Variants in PPP1R21 observed in about 807,000 individuals in gnomAD.
PPP1R21 encodes KLRAQ motif containing 1.
Under a neutral mutation model 112.8 loss-of-function variants are expected in PPP1R21, and 85 were observed. The observed-to-expected ratio is 0.75, with a 90% CI of 0.63 to 0.90. PPP1R21 has a LOEUF of 0.90. Ranked by LOEUF, PPP1R21 falls within the 40% of genes least tolerant of loss-of-function variation. The pLI is 0.00. For synonymous variants in PPP1R21, 381 were observed against 322.3 expected (o/e 1.18, Z -1.95); for missense variants, 1,199 against 901.5 (o/e 1.33, Z -4.23).
chr2:48,490,439 A>C (rs1450697811), intron 14 of PPP1R21, among the ~76,000 whole-genome samples: 1 of 152,210 alleles, frequency 6.6e-6, no homozygotes, highest in Admixed American at 6.5e-5. Context: ...ATTCAAAATC[A>C]TGGCTTTGAA....
chr2:48,461,005 C>G (rs527262799), intron 6 of PPP1R21, 133 bp from the exon 7 acceptor site: 45 of 1,392,662 alleles, frequency 3.2e-5, no homozygotes, highest in African/African-American at 9.2e-5. Context: ...TTTAACAACT[C>G]TCTGCCAAGA....
At chr2:48,484,791 A>G (rs1669203356) in intron 13 of PPP1R21, among the ~76,000 whole-genome samples, 1 of 152,236 alleles carries the variant, frequency 6.6e-6, no homozygotes. Context: ...GCTAGATTAC[A>G]GGCATGAGCC....
chr2:48,445,621 T>G (rs1667212199), intron 1 of PPP1R21, among the ~76,000 whole-genome samples: 1 of 152,198 alleles, frequency 6.6e-6, no homozygotes, highest in African/African-American at 2.4e-5. Context: ...CTCCTCTTCC[T>G]GTTTAGTTTA....
intron 12 of PPP1R21, among the ~76,000 whole-genome samples, chr2:48,475,203 A>G (rs1000534969): frequency 2.6e-5 from 4 of 151,782 alleles, no homozygotes; most frequent in Non-Finnish European, 5.9e-5. Context: ...AAATTTAAAA[A>G]TTATCCAGAT....
At chr2:48,459,234 T>G (rs1281716841) in intron 4 of PPP1R21, among the ~76,000 whole-genome samples, 1 of 152,198 alleles carries the variant, frequency 6.6e-6, no homozygotes, top group African/African-American at 2.4e-5. Flanking sequence ...AAAGTTGTTT[T>G]TGACCACAGT....
Position 48,511,520 on chromosome 2 carries a change from G to A in PPP1R21, c.2313+52G>A, listed in dbSNP as rs554141774. The A allele has an allele frequency of 6.3e-6, 10 of 1,588,150 alleles. No homozygotes were observed. The African/African-American group carries it at 1.4e-4, about 21-fold the overall frequency. On this transcript the variant is annotated intron_variant, in intron 21 of 21. Coordinates refer to ENST00000294952, the MANE Select transcript of PPP1R21 (RefSeq NM_001135629.3). ...CTCTGCAATATAATATTTAATGTGA[G>A]GTATTTTATTGTTATGCATTTCAGG... is the stretch of plus-strand genomic sequence containing the variant.
Position 48,469,535 on chromosome 2 carries a change from T to TATAGAGAGAGAG in PPP1R21, c.898-1551_898-1550insTAGAGAGAGAGA, listed in dbSNP as rs1553339307. Among the ~76,000 whole-genome samples, 40 of 73,234 alleles carry TATAGAGAGAGAG rather than the reference T, an allele frequency of 5.5e-4. 6 individuals are homozygous for TATAGAGAGAGAG. The highest frequency in any genetic ancestry group is 9.3e-4 in the Non-Finnish European group (35 of 37,824). The allele number at this position is 73,234 out of a possible 152,430, so 48.0% of individuals were successfully genotyped here. On this transcript the variant is annotated intron_variant, in intron 9 of 21. Transcript: ENST00000294952. ...ATATATATATATATATATATATATA[T>TATAGAGAGAGAG]AGAGCATATATATATATAGAGAGAG...
intron 2 of PPP1R21, among the ~76,000 whole-genome samples, chr2:48,453,088 G>A (rs1667553220): frequency 6.6e-6 from 1 of 151,972 alleles, no homozygotes; most frequent in Non-Finnish European, 1.5e-5. Context: ...TGAGTCACTG[G>A]GATCACAGGC....
At chr2:48,473,252 A>G (rs1469824858) in intron 11 of PPP1R21, among the ~76,000 whole-genome samples, 1 of 152,138 alleles carries the variant, frequency 6.6e-6, no homozygotes, top group East Asian at 1.9e-4. Context: ...ATTATTATGA[A>G]CTAATAGTTT....
At chr2:48,493,297 G>A (rs541699898) in intron 15 of PPP1R21, among the ~76,000 whole-genome samples, 6 of 152,224 alleles carry the variant, frequency 3.9e-5, no homozygotes, top group East Asian at 3.9e-4. Context: ...GAGCCACTGC[G>A]CCCGGCCTTA....
intron 13 of PPP1R21, among the ~76,000 whole-genome samples, 155 bp from the exon 14 acceptor site, chr2:48,486,476 A>T (rs547750584): frequency 3.9e-5 from 6 of 152,288 alleles, no homozygotes; most frequent in Admixed American, 3.9e-4. Flanking sequence ...TTTGTGACCT[A>T]ATTGATACTC....
intron 13 of PPP1R21, among the ~76,000 whole-genome samples, chr2:48,485,307 T>TA (rs200855085): frequency 0.015 from 2,153 of 146,680 alleles, 52 homozygotes; most frequent in African/African-American, 0.051. Context: ...AAATAAAATG[T>TA]AAAAAAAAAA....
At chr2:48,441,696 C>T (rs982437871) in intron 1 of PPP1R21, among the ~76,000 whole-genome samples, 1 of 152,170 alleles carries the variant, frequency 6.6e-6, no homozygotes, top group Non-Finnish European at 1.5e-5. Context: ...GTGTTTATGG[C>T]ATCAGTCTTT....
At chr2:48,500,403 C>G (rs991995792) in intron 17 of PPP1R21, among the ~76,000 whole-genome samples, 1 of 151,744 alleles carries the variant, frequency 6.6e-6, no homozygotes, top group South Asian at 2.1e-4. Flanking sequence ...CTTTTTACCG[C>G]TAACCTTTCT....
chr2:48,493,257 G>A (rs574363956), intron 15 of PPP1R21, among the ~76,000 whole-genome samples: 2 of 152,044 alleles, frequency 1.3e-5, no homozygotes, highest in South Asian at 2.1e-4. Flanking sequence ...CACCTGCCTC[G>A]GCCTACCAAA....
chr2:48,511,500 C>A (rs1172478545), intron 21 of PPP1R21, 32 bp downstream of exon 21: 5 of 1,600,952 alleles, frequency 3.1e-6, no homozygotes, highest in Non-Finnish European at 4.3e-6. Context: ...AGTCTCTCTG[C>A]AATATAATAT....
intron 6 of PPP1R21, among the ~76,000 whole-genome samples, chr2:48,460,536 A>G (rs1234382287): frequency 3.9e-5 from 6 of 152,214 alleles, no homozygotes; most frequent in African/African-American, 1.4e-4. Context: ...ATGCGATCTA[A>G]TTTGGAGATA....
intron 16 of PPP1R21, among the ~76,000 whole-genome samples, chr2:48,496,777 G>A (rs1040659621): frequency 5.3e-5 from 8 of 152,186 alleles, no homozygotes; most frequent in African/African-American, 1.9e-4. Flanking sequence ...GAGCTTGTTG[G>A]ATTTAGGTCC....
At chr2:48,463,408 C>G (rs574377866) in intron 7 of PPP1R21, among the ~76,000 whole-genome samples, 1 of 152,146 alleles carries the variant, frequency 6.6e-6, no homozygotes, top group Non-Finnish European at 1.5e-5. Flanking sequence ...TTTGTGGCCT[C>G]GAGAGGACTA....
Sources: gnomAD v4.1 joint callset for allele counts (sites outside exome capture counted in the v4.1 genomes callset) on GRCh38, gnomAD v4.1.1 for gene constraint, MANE v1.5 for transcripts, NCBI Gene and HGNC (gene_info 2026-07-23, HGNC 2026-07-21) for gene names.